The following EXOC3 variants were observed in gnomAD, a reference collection of about 807,000 sequenced individuals.
The protein encoded by EXOC3 is SEC6-like 1.
EXOC3 carries 21 observed loss-of-function variants against 73.7 expected under a neutral mutation model. That is an observed-to-expected ratio of 0.29 (90% CI 0.20 to 0.41). EXOC3 has a LOEUF of 0.41. Ranked by LOEUF, EXOC3 falls within the 10% of genes least tolerant of loss-of-function variation. The pLI, the probability that EXOC3 is intolerant of heterozygous loss-of-function variation, is 1.00. For synonymous variants in EXOC3, 410 were observed against 389.1 expected (o/e 1.05, Z -0.63); for missense variants, 842 against 985.1 (o/e 0.85, Z 1.95).
chr5:465,411 C>T, intron 11 of EXOC3, 139 bp downstream of exon 11: 1 of 1,056,190 alleles, frequency 9.5e-7, no homozygotes, highest in Non-Finnish European at 1.3e-6. Flanking sequence ...CAGGTCCTGC[C>T]TGACCTTGTG....
chr5:443,907 C>T (rs1439039244), intron 1 of EXOC3, among the ~76,000 whole-genome samples: 2 of 151,974 alleles, frequency 1.3e-5, no homozygotes, highest in African/African-American at 2.4e-5. Context: ...AGCGTCCTTC[C>T]TGGCCTTTAG....
chr5:448,239 G>A (rs576668613), intron 3 of EXOC3, among the ~76,000 whole-genome samples: 19 of 152,344 alleles, frequency 1.2e-4, no homozygotes, highest in African/African-American at 4.3e-4. Context: ...GGGGCTGAGC[G>A]CCGTGGGGGA....
At chr5:463,826 G>T (rs1738056889) in intron 9 of EXOC3, among the ~76,000 whole-genome samples, 1 of 152,218 alleles carries the variant, frequency 6.6e-6, no homozygotes, top group Admixed American at 6.5e-5. Flanking sequence ...CATCAATAGA[G>T]AATTGGGCAA....
rs1482999233 is a variant in EXOC3 at position 443,222 on chromosome 5, G to A, written c.-125G>A. ...GGCGGAGGCAGCGAAGGCGGAGGGG[G>A]CGGCGGGGGCGGCGGCGGCGGCGGC... On this transcript the variant is annotated 5_prime_UTR_variant, in exon 1 of 13. Coordinates refer to ENST00000512944, the MANE Select transcript of EXOC3 (RefSeq NM_007277.5). 2.2e-5 allele frequency: 2 copies of A among 89,834 alleles called. No homozygotes were observed. Among genetic ancestry groups the A allele is most frequent in the Admixed American group, 2.4e-4 (2 of 8,432 alleles). 5.6% of individuals were successfully genotyped at this position (89,834 alleles called of 1,614,324 possible). A position where few individuals can be genotyped will look rare whatever the true frequency, so the allele number is the denominator to read the frequency against.
intron 9 of EXOC3, 64 bp downstream of exon 9, chr5:462,371 C>T (rs751967905): frequency 1.3e-6 from 2 of 1,566,020 alleles, no homozygotes; most frequent in African/African-American, 2.7e-5. Context: ...TCACTGCCCT[C>T]TGGGACACAG....
chr5:460,587 T>A (rs139419214), intron 7 of EXOC3, among the ~76,000 whole-genome samples: 2 of 151,598 alleles, frequency 1.3e-5, no homozygotes, highest in Non-Finnish European at 2.9e-5. Flanking sequence ...TCCATAGAGG[T>A]CTTAGCCGAG....
chr5:454,179 G>C, intron 4 of EXOC3, 128 bp downstream of exon 4: 1 of 728,586 alleles, frequency 1.4e-6, no homozygotes, highest in Non-Finnish European at 2.2e-6. Flanking sequence ...CCACAGCCTT[G>C]GTTTCCAGCC....
chr5:453,911 T>C lies in EXOC3; in HGVS notation c.906T>C (p.Pro302=), dbSNP rs761342115. The C allele has an allele frequency of 6.2e-7, 1 of 1,613,934 alleles. No homozygotes were observed. Among genetic ancestry groups the C allele is most frequent in the Admixed American group, 1.7e-5 (1 of 60,008 alleles). The change falls in exon 4 of 13, where the codon CCT becomes CCC. Residue 302 remains proline (P), a synonymous_variant. Transcript: ENST00000512944. ...AAAACCTGATGGTTCAGTGCTTTCC[T>C]CCCCACTATGAGATCTTTAAGAACC... The part of the protein sequence containing the change: ...VAKNLMVQCF[P]PHYEIFKNLL...
chr5:464,434 C>A, intron 10 of EXOC3, 22 bp downstream of exon 10: 2 of 1,611,086 alleles, frequency 1.2e-6, no homozygotes, highest in Middle Eastern at 1.7e-4. Flanking sequence ...GGACCTAGTT[C>A]CCTCATCACC....
Position 459,397 on chromosome 5 carries a change from T to A in EXOC3, c.1329T>A (p.Ser443Arg). 1 of 1,573,492 alleles carries A rather than the reference T, an allele frequency of 6.4e-7. No individual in the cohort carries two copies. The highest frequency in any genetic ancestry group is 8.6e-7 in the Non-Finnish European group (1 of 1,156,306). Residue 443 changes from serine (S) to arginine (R), a missense_variant, in exon 7 of 13, where the codon AGT becomes AGA. Physicochemically the swap from Ser to Arg is moderately radical, Grantham distance 110. Transcript: ENST00000512944. The part of the protein sequence containing the change: ...EQNLQVAAQI[S>R]EDLKTKVLVL... ...ATCTTCAAGTTGCTGCTCAGATAAG[T>A]GAAGATTTGAAAACAAAGGTACTAG...
intron 12 of EXOC3, chr5:466,491 A>G (rs1738155869): frequency 1.9e-6 from 1 of 535,512 alleles, no homozygotes; most frequent in East Asian, 2.9e-5. Flanking sequence ...GTTGGGCCGG[A>G]ACAAAGATTT....
At chr5:459,874 C>T (rs548501613) in intron 7 of EXOC3, among the ~76,000 whole-genome samples, 49 of 152,366 alleles carry the variant, frequency 3.2e-4, no homozygotes, top group African/African-American at 1.0e-3. Context: ...TGACCTGGCA[C>T]GCCACCCTCC....
Position 462,095 on chromosome 5 carries a change from G to A in EXOC3, c.1502+25G>A, listed in dbSNP as rs373753725. 8.8e-6 allele frequency: 14 copies of A among 1,593,510 alleles called. No individual in the cohort carries two copies. The East Asian group carries it at 9.2e-5, about 10-fold the overall frequency. On this transcript the variant is annotated intron_variant, in intron 8 of 12. Coordinates refer to ENST00000512944, the MANE Select transcript of EXOC3 (RefSeq NM_007277.5). ...AGTGAGTGTGGCCGGGCGCTGTGGC[G>A]GGGGAGCGGTGGAGGCCGGCCTGCC... is the stretch of plus-strand genomic sequence containing the variant.
intron 4 of EXOC3, among the ~76,000 whole-genome samples, chr5:456,317 A>G (rs974513588): frequency 1.3e-5 from 2 of 152,186 alleles, no homozygotes; most frequent in African/African-American, 4.8e-5. Flanking sequence ...TGAAATTTTT[A>G]TTATTTTTTA....
intron 6 of EXOC3, among the ~76,000 whole-genome samples, chr5:458,741 G>A (rs1560938898): frequency 6.6e-6 from 1 of 152,308 alleles, no homozygotes; most frequent in East Asian, 1.9e-4. Context: ...GCATTGCTGA[G>A]GGATGGAGCC....
At chr5:454,209 C>G (rs1737738327) in intron 4 of EXOC3, among the ~76,000 whole-genome samples, 158 bp downstream of exon 4, 1 of 152,280 alleles carries the variant, frequency 6.6e-6, no homozygotes, top group Admixed American at 6.5e-5. Context: ...CTTCTTTCTG[C>G]TCTGCCTGCT....
At position 453,692 on chromosome 5, in the gene EXOC3, G is replaced by A. The variant is rs1342490382; in HGVS notation, c.687G>A (p.Arg229=). ...AAATTGACAGGCGCATACTTGACCG[G>A]AAAAAGCAAACTGGCTTTGTTCCTC... ...EEKIDRRILD[R]KKQTGFVPPG... The change falls in exon 4 of 13, where the codon CGG becomes CGA. Residue 229 remains arginine, a synonymous_variant. Transcript: ENST00000512944. The A allele has an allele frequency of 1.2e-6, 2 of 1,613,896 alleles. No homozygotes were observed. Among genetic ancestry groups the A allele is most frequent in the South Asian group, 2.2e-5 (2 of 91,078 alleles).
chr5:454,105 G>C, intron 4 of EXOC3, 54 bp downstream of exon 4: 1 of 1,433,436 alleles, frequency 7.0e-7, no homozygotes. Context: ...GTGTGTGAGA[G>C]GGGCCTGCAG....
chr5:456,500 C>G (rs963926486), intron 4 of EXOC3, among the ~76,000 whole-genome samples: 1 of 152,180 alleles, frequency 6.6e-6, no homozygotes, highest in South Asian at 2.1e-4. Flanking sequence ...ATAGAACACA[C>G]GTCTTCCCCA....
Sources: gnomAD v4.1 joint callset for allele counts (sites outside exome capture counted in the v4.1 genomes callset) on GRCh38, gnomAD v4.1.1 for gene constraint, MANE v1.5 for transcripts, NCBI Gene and HGNC (gene_info 2026-07-23, HGNC 2026-07-21) for gene names.